ATXN7L1: variants seen among roughly 807,000 people sequenced by gnomAD.
ATXN7L1 encodes the protein ataxin-7-like protein 1.
Under a neutral mutation model 70.8 loss-of-function variants are expected in ATXN7L1, and 15 were observed. That is an observed-to-expected ratio of 0.21 (90% CI 0.14 to 0.33). The LOEUF is 0.33. Ranked by LOEUF, ATXN7L1 falls within the 10% of genes least tolerant of loss-of-function variation. ATXN7L1 has a pLI of 1.00. For synonymous variants in ATXN7L1, 440 were observed against 445.1 expected (o/e 0.99, Z 0.14); for missense variants, 975 against 1,097.1 (o/e 0.89, Z 1.57).
chr7:105,875,946 AG>A (rs1175314158), intron 1 of ATXN7L1, 66 bp from the exon 2 acceptor site: 2 of 1,333,486 alleles, frequency 1.5e-6, no homozygotes, highest in South Asian at 1.2e-5. Context: ...GCCAAAGTCA[AG>A]GGGGGAGGGA....
chr7:105,757,178 G>A (rs1584932294), intron 3 of ATXN7L1, among the ~76,000 whole-genome samples: 2 of 151,944 alleles, frequency 1.3e-5, no homozygotes, highest in South Asian at 4.1e-4. Flanking sequence ...TTCTTTCCTT[G>A]GTTTTCCTAG....
intron 2 of ATXN7L1, among the ~76,000 whole-genome samples, chr7:105,831,286 C>T (rs180949489): frequency 7.9e-5 from 12 of 152,276 alleles, no homozygotes; most frequent in South Asian, 2.1e-4. Flanking sequence ...TTCACTGTAG[C>T]GAGAAAGGCT....
At chr7:105,716,723 T>TCACACACAC (rs1794608037) in intron 3 of ATXN7L1, among the ~76,000 whole-genome samples, 2 of 94,892 alleles carry the variant, frequency 2.1e-5, no homozygotes, top group East Asian at 3.1e-4. Context: ...ACACACACAG[T>TCACACACAC]ACAAAAATTA....
rs375284338 is a variant in ATXN7L1 at position 105,643,121 on chromosome 7, A to G, written c.579T>C (p.Cys193=). ...FPAKGSRDKP[C]VPVPVVSLEK... is the part of the protein sequence containing the mutation. ...CTAAACTGACTACAGGAACTGGAAC[A>G]CTGAAAAATAAATGAACAAACACAC... Residue 193 remains cysteine (C), a splice_region_variant and synonymous_variant, in exon 5 of 12, where the codon TGT becomes TGC. Transcript: ENST00000419735. 2.9e-5 allele frequency: 44 copies of G among 1,506,014 alleles called. No homozygotes were observed. The African/African-American group carries it at 4.8e-4, about 16-fold the overall frequency. 93.3% of individuals were successfully genotyped at this position (1,506,014 alleles called of 1,614,324 possible).
chr7:105,634,255 G>A (rs903883914), intron 7 of ATXN7L1, among the ~76,000 whole-genome samples: 3 of 152,192 alleles, frequency 2.0e-5, no homozygotes, highest in African/African-American at 7.2e-5. Flanking sequence ...CGCCAGTCTG[G>A]TCTAACGTCA....
chr7:105,697,710 T>TA (rs764274368), intron 3 of ATXN7L1, among the ~76,000 whole-genome samples: 2 of 152,348 alleles, frequency 1.3e-5, no homozygotes, highest in South Asian at 2.1e-4. Context: ...CATGAAATCT[T>TA]CACAACTTAC....
chr7:105,865,052 C>T (rs1817201452), intron 2 of ATXN7L1, among the ~76,000 whole-genome samples: 1 of 152,190 alleles, frequency 6.6e-6, no homozygotes, highest in Admixed American at 6.5e-5. Context: ...CTGGTGAGCC[C>T]CGGGCATCCC....
chr7:105,727,248 C>T (rs1795920398), intron 3 of ATXN7L1, among the ~76,000 whole-genome samples: 1 of 152,174 alleles, frequency 6.6e-6, no homozygotes, highest in South Asian at 2.1e-4. Context: ...ATGTAACCAA[C>T]ACTTTCATTC....
At chr7:105,819,589 T>C (rs1386932423) in intron 2 of ATXN7L1, 16 of 976,462 alleles carry the variant, frequency 1.6e-5, no homozygotes, top group Non-Finnish European at 1.5e-5. Flanking sequence ...GGCCGGAAGG[T>C]GGAGGTCGTA....
chr7:105,642,702 G>T, intron 5 of ATXN7L1, 136 bp downstream of exon 5: 1 of 1,138,492 alleles, frequency 8.8e-7, no homozygotes. Flanking sequence ...TGGGGTTCCT[G>T]TTTGCAGGTA....
intron 3 of ATXN7L1, among the ~76,000 whole-genome samples, chr7:105,668,637 G>C (rs981152819): frequency 6.6e-6 from 1 of 152,190 alleles, no homozygotes; most frequent in African/African-American, 2.4e-5. Flanking sequence ...GGCCAGGCTA[G>C]TGTTGAACTC....
Position 105,777,936 on chromosome 7 carries a change from C to G in ATXN7L1, c.355+10668G>C, listed in dbSNP as rs562789487. Among the ~76,000 whole-genome samples the G allele has an allele frequency of 9.2e-5, 14 of 152,318 alleles. No individual in the cohort carries two copies. The South Asian group carries it at 2.9e-3, about 32-fold the overall frequency. On this transcript the variant is annotated intron_variant, in intron 3 of 11. Coordinates refer to ENST00000419735, the MANE Select transcript of ATXN7L1 (RefSeq NM_020725.2). ...CTCTTCTGTGTTCTCTGCTGGGACA[C>G]TCTTGTGACAGCTTTTCACATGGCT... is the stretch of plus-strand genomic sequence containing the variant.
chr7:105,658,744 G>A lies in ATXN7L1; in HGVS notation c.578+6322C>T, dbSNP rs537727743. Among the ~76,000 whole-genome samples the A allele has an allele frequency of 2.2e-4, 33 of 152,128 alleles. No homozygotes were observed. In the East Asian group the frequency reaches 6.2e-3, roughly 29 times the overall value. ...ATACGGGGTTCCACCATGTTGGCTA[G>A]GCTGGTCTCGAACTCTTGACCTCAA... On this transcript the variant is annotated intron_variant, in intron 4 of 11. Coordinates refer to ENST00000419735, the MANE Select transcript of ATXN7L1 (RefSeq NM_020725.2).
chr7:105,767,074 G>A (rs755348487), intron 3 of ATXN7L1, among the ~76,000 whole-genome samples: 9 of 152,190 alleles, frequency 5.9e-5, no homozygotes, highest in Admixed American at 1.3e-4. Flanking sequence ...GATTTTTCCC[G>A]TGTTGAGGCA....
intron 8 of ATXN7L1, among the ~76,000 whole-genome samples, chr7:105,620,826 T>G (rs1287060062): frequency 6.8e-6 from 1 of 146,062 alleles, no homozygotes; most frequent in Non-Finnish European, 1.5e-5. Context: ...ACCTGGGAGG[T>G]GGAGGTTGCA....
intron 3 of ATXN7L1, among the ~76,000 whole-genome samples, chr7:105,752,062 G>T (rs1799283184): frequency 6.6e-6 from 1 of 152,224 alleles, no homozygotes; most frequent in South Asian, 2.1e-4. Context: ...AATAGTAAGA[G>T]CTGGTTAAGC....
intron 7 of ATXN7L1, among the ~76,000 whole-genome samples, chr7:105,625,341 C>A (rs1418310746): frequency 2.7e-5 from 4 of 150,922 alleles, no homozygotes; most frequent in Non-Finnish European, 5.9e-5. Context: ...ACCTCTGCCT[C>A]CCAGGTTGAA....
At chr7:105,610,502 G>GGGC in intron 11 of ATXN7L1, 27 bp downstream of exon 11, 8 of 1,525,602 alleles carry the variant, frequency 5.2e-6, no homozygotes, top group Non-Finnish European at 7.1e-6. Flanking sequence ...ATGAATTTTT[G>GGGC]CCCCACCCCC....
At chr7:105,748,339 C>A (rs1798814275) in intron 3 of ATXN7L1, among the ~76,000 whole-genome samples, 1 of 152,160 alleles carries the variant, frequency 6.6e-6, no homozygotes, top group Admixed American at 6.5e-5. Flanking sequence ...TCCAGCTCTT[C>A]TCTACCTGTG....
Sources: allele counts gnomAD v4.1 joint callset (sites outside exome capture counted in the v4.1 genomes callset), GRCh38; gene constraint gnomAD v4.1.1; transcripts MANE v1.5; gene names NCBI Gene and HGNC (gene_info 2026-07-23, HGNC 2026-07-21).